Variants in TEC observed in about 807,000 individuals in gnomAD.
The protein encoded by TEC is tec protein tyrosine kinase.
A neutral mutation model predicts 93.0 loss-of-function variants in TEC; 72 were observed. The ratio of observed to expected loss-of-function variants is 0.77; its 90% CI spans 0.64 to 0.94. The LOEUF (loss-of-function observed/expected upper bound fraction) is 0.94. TEC is among the 40% of genes least tolerant of loss of function. TEC has a pLI of 0.00. For missense variants in TEC, 630 were observed against 757.9 expected, an observed-to-expected ratio of 0.83 and a Z score of 1.98; for synonymous variants, 249 against 247.7, an observed-to-expected ratio of 1.01 and a Z score of -0.05.
At chr4:48,184,355 C>T (rs1034037092) in intron 2 of TEC, among the ~76,000 whole-genome samples, 5 of 152,166 alleles carry the variant, frequency 3.3e-5, no homozygotes, top group Admixed American at 2.0e-4. Flanking sequence ...ATTTCTTAAA[C>T]TTATAGCTTG....
intron 3 of TEC, among the ~76,000 whole-genome samples, chr4:48,172,980 A>G: frequency 6.6e-6 from 1 of 152,274 alleles, no homozygotes; most frequent in South Asian, 2.1e-4. Context: ...TTGTAATAAC[A>G]ATTTAATTTA....
intron 2 of TEC, among the ~76,000 whole-genome samples, chr4:48,206,435 A>T (rs1412864260): frequency 6.6e-6 from 1 of 152,180 alleles, no homozygotes; most frequent in African/African-American, 2.4e-5. Context: ...GAATATATAT[A>T]TTTTTTATAC....
chr4:48,173,174 A>G (rs4695350), intron 3 of TEC, among the ~76,000 whole-genome samples: 57,509 of 151,662 alleles, frequency 0.38, 11,919 homozygotes, highest in East Asian at 0.9. Context: ...TCCCTTGACT[A>G]TTCCCCTCCT....
At chr4:48,149,926 A>T (rs1443305367) in intron 10 of TEC, among the ~76,000 whole-genome samples, 2 of 152,246 alleles carry the variant, frequency 1.3e-5, no homozygotes, top group Non-Finnish European at 2.9e-5. Flanking sequence ...GAAAGAGAAC[A>T]TTTATGAATT....
chr4:48,171,552 A>C, intron 3 of TEC, 103 bp from the exon 4 acceptor site: 3 of 778,012 alleles, frequency 3.9e-6, no homozygotes, highest in Non-Finnish European at 5.9e-6. Flanking sequence ...ATGATTCTCA[A>C]ATAACTGAAA....
rs1291703382 is a variant in TEC at position 48,228,523 on chromosome 4, A to G, written c.92T>C (p.Phe31Ser). ...GGTTAGCATGGACTTTGTAAGTACAAAAAGTCTCTCTTTGTAGTTTAAGGG... is the reference window on the plus strand; with the variant it reads ...GGTTAGCATGGACTTTGTAAGTACAGAAAGTCTCTCTTTGTAGTTTAAGGG... ...TSPLNYKERL[F>S]VLTKSMLTYY... is the part of the protein sequence containing the mutation. Residue 31 changes from phenylalanine to serine, a missense_variant, in exon 2 of 18, where the codon TTT becomes TCT. Phe to Ser is a radical substitution (Grantham distance 155). Transcript: ENST00000381501. 1 of 1,613,230 alleles carries G rather than the reference A, an allele frequency of 6.2e-7. No individual in the cohort carries two copies. Among genetic ancestry groups the G allele is most frequent in the South Asian group, 1.1e-5 (1 of 90,984 alleles).
intron 1 of TEC, among the ~76,000 whole-genome samples, chr4:48,260,161 C>T (rs1724462424): frequency 6.6e-6 from 1 of 152,202 alleles, no homozygotes; most frequent in Non-Finnish European, 1.5e-5. Flanking sequence ...AACATGGCCT[C>T]AAGCATTCTG....
At chr4:48,185,819 TCC>T (rs1560397425) in intron 2 of TEC, among the ~76,000 whole-genome samples, 10 of 85,592 alleles carry the variant, frequency 1.2e-4, no homozygotes, top group Non-Finnish European at 2.0e-4. Flanking sequence ...TCCCTCCCCC[TCC>T]CCCTCTCCCA....
chr4:48,171,065 A>G (rs1304535516), intron 4 of TEC, among the ~76,000 whole-genome samples: 4 of 152,166 alleles, frequency 2.6e-5, no homozygotes, highest in Non-Finnish European at 4.4e-5. Flanking sequence ...AAAAAACAAG[A>G]AAACACCAAA....
intron 2 of TEC, among the ~76,000 whole-genome samples, chr4:48,205,961 A>C (rs1722701816): frequency 1.3e-5 from 2 of 152,262 alleles, no homozygotes; most frequent in African/African-American, 4.8e-5. Context: ...ATGAATGAAT[A>C]AACAAAATGT....
intron 1 of TEC, among the ~76,000 whole-genome samples, chr4:48,250,370 T>C (rs1465122802): frequency 2.0e-5 from 3 of 152,338 alleles, no homozygotes; most frequent in Admixed American, 2.0e-4. Flanking sequence ...ATGAGTGCAA[T>C]AGATTGATTG....
rs763008568 is a variant in TEC, at chr4:48,167,852, T to C, written c.597A>G (p.Arg199=). 3.7e-6 allele frequency: 6 copies of C among 1,613,886 alleles called. No homozygotes were observed. Among genetic ancestry groups the C allele is most frequent in the Admixed American group, 1.7e-5 (1 of 59,986 alleles). Reference sequence around the variant, plus strand: ...TGAGATACTCTTGGCCTCTCTCTAATCTGAGATCATGTCCTTCTGCTGCTT... The same window carrying C: ...TGAGATACTCTTGGCCTCTCTCTAACCTGAGATCATGTCCTTCTGCTGCTT... ...DFQAAEGHDL[R]LERGQEYLIL... is the part of the protein sequence containing the mutation. The change falls in exon 7 of 18, where the codon AGA becomes AGG. Residue 199 remains arginine (R), a synonymous_variant. Coordinates refer to ENST00000381501, the MANE Select transcript of TEC (RefSeq NM_003215.3).
intron 2 of TEC, among the ~76,000 whole-genome samples, chr4:48,201,260 C>T (rs1482936682): frequency 6.6e-6 from 1 of 152,108 alleles, no homozygotes; most frequent in African/African-American, 2.4e-5. Context: ...CTAGAGATTA[C>T]AGGGGTGGGG....
intron 11 of TEC, 144 bp from the exon 12 acceptor site, chr4:48,146,543 G>A (rs1719921003): frequency 1.6e-6 from 1 of 637,018 alleles, no homozygotes. Context: ...TCTGCTATAT[G>A]CTTTTATTCA....
chr4:48,139,237 G>A (rs758292664), intron 15 of TEC, among the ~76,000 whole-genome samples: 1 of 152,184 alleles, frequency 6.6e-6, no homozygotes, highest in Admixed American at 6.5e-5. Flanking sequence ...CCATCACCAC[G>A]TTACCATCTG....
chr4:48,151,043 T>C (rs1303524077), intron 9 of TEC, 101 bp from the exon 10 acceptor site: 3 of 760,890 alleles, frequency 3.9e-6, no homozygotes, highest in Non-Finnish European at 5.9e-6. Context: ...ATGATTATTA[T>C]TCTTTCCCAG....
chr4:48,163,058 T>A (rs895883256), intron 8 of TEC, among the ~76,000 whole-genome samples: 5 of 151,994 alleles, frequency 3.3e-5, no homozygotes, highest in African/African-American at 1.2e-4. Flanking sequence ...TAAAACAACC[T>A]AAACCACACA....
chr4:48,212,110 A>AAAAAAAAAAT, intron 2 of TEC, among the ~76,000 whole-genome samples: 5 of 122,264 alleles, frequency 4.1e-5, no homozygotes, highest in African/African-American at 1.5e-4. Context: ...AAAAAAAAAA[A>AAAAAAAAAAT]ATATATATAT....
At chr4:48,195,578 C>T (rs1018106492) in intron 2 of TEC, among the ~76,000 whole-genome samples, 1 of 152,166 alleles carries the variant, frequency 6.6e-6, no homozygotes. Context: ...TCTTAAAGTG[C>T]TCCATAATTA....
Sources: gnomAD v4.1 joint callset for allele counts (sites outside exome capture counted in the v4.1 genomes callset) on GRCh38, gnomAD v4.1.1 for gene constraint, MANE v1.5 for transcripts, NCBI Gene and HGNC (gene_info 2026-07-23, HGNC 2026-07-21) for gene names.